Variants in ACOXL observed in about 807,000 individuals in gnomAD.
ACOXL encodes the protein acyl-CoA oxidase like.
A neutral mutation model predicts 71.9 loss-of-function variants in ACOXL; 70 were observed. The observed-to-expected ratio is 0.97, with a 90% confidence interval of 0.80 to 1.19. The LOEUF is 1.19. Among genes scored for constraint, ACOXL ranks in the 50% most tolerant of loss-of-function variants. The pLI is 0.00. For synonymous variants in ACOXL, 253 were observed against 281.6 expected, an observed-to-expected ratio of 0.90 and a Z score of 1.02; for missense variants, 703 against 736.3, an observed-to-expected ratio of 0.95 and a Z score of 0.52.
At chr2:110,821,890 G>A (rs1156368829) in intron 9 of ACOXL, among the ~76,000 whole-genome samples, 1 of 151,980 alleles carries the variant, frequency 6.6e-6, no homozygotes, top group East Asian at 1.9e-4. Flanking sequence ...GCTTTTGGAA[G>A]CTCTTTCAAT....
intron 11 of ACOXL, among the ~76,000 whole-genome samples, chr2:110,910,628 T>TA (rs2059618936): frequency 6.6e-6 from 1 of 152,216 alleles, no homozygotes; most frequent in South Asian, 2.1e-4. Flanking sequence ...AGTTCTTTCT[T>TA]AATCATATTC....
chr2:110,890,824 A>G (rs1023971224), intron 10 of ACOXL, among the ~76,000 whole-genome samples: 27 of 152,076 alleles, frequency 1.8e-4, no homozygotes, highest in African/African-American at 6.5e-4. Context: ...GAATTTCGGT[A>G]CATCTTGTTG....
intron 9 of ACOXL, among the ~76,000 whole-genome samples, chr2:110,810,665 T>G (rs1687214014): frequency 6.6e-6 from 1 of 152,096 alleles, no homozygotes; most frequent in Non-Finnish European, 1.5e-5. Context: ...CCATCATCAT[T>G]TATCCATCCA....
chr2:110,856,157 G>T (rs1693219101), intron 10 of ACOXL, among the ~76,000 whole-genome samples: 1 of 152,158 alleles, frequency 6.6e-6, no homozygotes, highest in African/African-American at 2.4e-5. Flanking sequence ...CCGAGCTACA[G>T]AATGCTAATT....
chr2:110,828,993 TAG>T (rs1466394460), intron 9 of ACOXL, among the ~76,000 whole-genome samples: 1 of 152,154 alleles, frequency 6.6e-6, no homozygotes, highest in Admixed American at 6.5e-5. Flanking sequence ...GTATTTTTAG[TAG>T]AGATAGGGTT....
At chr2:111,073,095 T>C (rs1223389122) in intron 16 of ACOXL, among the ~76,000 whole-genome samples, 2 of 152,232 alleles carry the variant, frequency 1.3e-5, no homozygotes, top group Non-Finnish European at 2.9e-5. Context: ...CATTTTTAAT[T>C]GGATAATTTG....
At chr2:111,097,230 TG>T (rs2068854083) in intron 17 of ACOXL, among the ~76,000 whole-genome samples, 1 of 152,132 alleles carries the variant, frequency 6.6e-6, no homozygotes. Flanking sequence ...GCAGAAAAGT[TG>T]GAAAAAAAAA....
chr2:111,014,597 G>A (rs1045075253), intron 14 of ACOXL, among the ~76,000 whole-genome samples: 5 of 152,176 alleles, frequency 3.3e-5, no homozygotes, highest in African/African-American at 9.7e-5. Flanking sequence ...AATCTTGGCA[G>A]GAATGTTTGT....
Position 110,908,878 on chromosome 2 carries a change from CAGCCTT to C in ACOXL, c.879_884del (p.Ala296_Leu297del). On this transcript the variant is annotated inframe_deletion, in exon 11 of 18. Transcript: ENST00000439055. ...CTGCGGCTGATGCCCCACCTGGCCA[CAGCCTT>C]GGCCCTGACCTTCGTCAGCAGGTGA... is the stretch of plus-strand genomic sequence containing the variant. 1 of 1,613,976 alleles carries C rather than the reference CAGCCTT, an allele frequency of 6.2e-7. No homozygotes were observed. Among genetic ancestry groups the C allele is most frequent in the Non-Finnish European group, 8.5e-7 (1 of 1,179,902 alleles).
intron 12 of ACOXL, among the ~76,000 whole-genome samples, chr2:110,938,722 TGAATGAAA>T (rs2060758931): frequency 6.6e-6 from 1 of 151,896 alleles, no homozygotes. Context: ...AATGAATGAA[TGAATGAAA>T]GAATGTCCTG....
rs552347966 is a variant in ACOXL at position 110,926,273 on chromosome 2, A to T, written c.906-7216A>T. On this transcript the variant is annotated intron_variant, in intron 11 of 17. Coordinates refer to ENST00000439055, the MANE Select transcript of ACOXL (RefSeq NM_001142807.4). ...GGGCTCTGATAGAATTGCTCAATGC[A>T]AGGTTGCCGCAAGGCCTCAATTTTT... 2.0e-5 allele frequency among the ~76,000 whole-genome samples: 3 copies of T among 152,376 alleles called. No homozygotes were observed. The South Asian group carries it at 6.2e-4, about 32-fold the overall frequency.
chr2:110,863,830 G>A (rs889160696), intron 10 of ACOXL, among the ~76,000 whole-genome samples: 4 of 152,134 alleles, frequency 2.6e-5, no homozygotes, highest in African/African-American at 9.7e-5. Flanking sequence ...ACTGTCATGA[G>A]GAATCTTTAA....
At chr2:110,801,831 C>A in intron 8 of ACOXL, 107 bp downstream of exon 8, 2 of 865,888 alleles carry the variant, frequency 2.3e-6, no homozygotes, top group Non-Finnish European at 1.9e-6. Context: ...GGCATTCTTC[C>A]CCTAACCACC....
chr2:110,769,642 GT>G (rs918922803), intron 2 of ACOXL, among the ~76,000 whole-genome samples: 2 of 150,274 alleles, frequency 1.3e-5, no homozygotes, highest in African/African-American at 5.0e-5. Context: ...GTGAAACACT[GT>G]TTCTACTAAA....
intron 9 of ACOXL, among the ~76,000 whole-genome samples, chr2:110,833,375 T>C (rs1232021309): frequency 6.6e-6 from 1 of 152,174 alleles, no homozygotes; most frequent in African/African-American, 2.4e-5. Flanking sequence ...GACAAAATTA[T>C]GGAAACGGAG....
intron 2 of ACOXL, among the ~76,000 whole-genome samples, chr2:110,774,367 A>G (rs1034619565): frequency 2.0e-5 from 3 of 152,310 alleles, no homozygotes; most frequent in East Asian, 1.9e-4. Flanking sequence ...AAGTGTGGTA[A>G]ATTGGAAAAG....
At chr2:110,988,953 A>G (rs1029860939) in intron 13 of ACOXL, among the ~76,000 whole-genome samples, 7 of 150,372 alleles carry the variant, frequency 4.7e-5, no homozygotes, top group Non-Finnish European at 4.4e-5. Context: ...TGCTATAATT[A>G]TCTTTTCTAT....
At chr2:110,826,868 A>G (rs751971245) in intron 9 of ACOXL, among the ~76,000 whole-genome samples, 18 of 148,490 alleles carry the variant, frequency 1.2e-4, no homozygotes, top group Non-Finnish European at 1.9e-4. Flanking sequence ...GTTCACCTGT[A>G]CACCAAAAGA....
intron 12 of ACOXL, among the ~76,000 whole-genome samples, chr2:110,970,315 A>C (rs879711481): frequency 6.6e-6 from 1 of 152,224 alleles, no homozygotes; most frequent in African/African-American, 2.4e-5. Flanking sequence ...TTTATCTCTG[A>C]TATGCAAGTA....
Sources: allele counts gnomAD v4.1 joint callset (sites outside exome capture counted in the v4.1 genomes callset), GRCh38; gene constraint gnomAD v4.1.1; transcripts MANE v1.5; gene names NCBI Gene and HGNC (gene_info 2026-07-23, HGNC 2026-07-21).